The following ADAMTSL1 variants were observed in gnomAD, a reference collection of about 807,000 sequenced individuals.
ADAMTSL1 encodes the protein ADAMTS like 1.
ADAMTSL1 carries 126 observed loss-of-function variants against 201.8 expected under a neutral mutation model. That is an observed-to-expected ratio of 0.62 (90% CI 0.54 to 0.72). The LOEUF (loss-of-function observed/expected upper bound fraction) is 0.72. Ranked by LOEUF, ADAMTSL1 falls within the 30% of genes least tolerant of loss-of-function variation. The pLI, the probability that ADAMTSL1 is intolerant of heterozygous loss-of-function variation, is 0.00. For synonymous variants in ADAMTSL1, 1,121 were observed against 903.4 expected (o/e 1.24, Z -4.32); for missense variants, 2,679 against 2,277.8 (o/e 1.18, Z -3.59).
At chr9:18,326,180 A>G (rs1407338301) in intron 2 of ADAMTSL1, among the ~76,000 whole-genome samples, 1 of 152,216 alleles carries the variant, frequency 6.6e-6, no homozygotes, top group African/African-American at 2.4e-5. Flanking sequence ...ATTTTGAAGG[A>G]GTCAAAAATA....
chr9:18,055,554 C>A (rs750209167), intron 1 of ADAMTSL1, among the ~76,000 whole-genome samples: 1 of 152,202 alleles, frequency 6.6e-6, no homozygotes, highest in Non-Finnish European at 1.5e-5. Flanking sequence ...TGTACATAGA[C>A]CAAAGTGATG....
chr9:18,256,922 G>C (rs532108741), intron 2 of ADAMTSL1, among the ~76,000 whole-genome samples: 1 of 152,276 alleles, frequency 6.6e-6, no homozygotes, highest in South Asian at 2.1e-4. Flanking sequence ...CCCCTCTTCT[G>C]TGCTTGTACT....
intron 2 of ADAMTSL1, among the ~76,000 whole-genome samples, chr9:18,434,949 G>A (rs548598320): frequency 1.8e-4 from 27 of 152,312 alleles, no homozygotes; most frequent in Non-Finnish European, 3.5e-4. Flanking sequence ...TGAAGACAGG[G>A]ACCACATCTG....
intron 2 of ADAMTSL1, among the ~76,000 whole-genome samples, chr9:18,320,704 C>T (rs10115400): frequency 0.4 from 60,710 of 151,942 alleles, 12,690 homozygotes; most frequent in Admixed American, 0.54. Flanking sequence ...AAAATATTAA[C>T]ACAAAGGATG....
chr9:17,958,701 A>G (rs1468516907), intron 1 of ADAMTSL1, among the ~76,000 whole-genome samples: 3 of 152,186 alleles, frequency 2.0e-5, no homozygotes, highest in African/African-American at 7.2e-5. Context: ...TTAAAACCAA[A>G]CCCAAACCCA....
At chr9:18,318,726 T>A (rs1016572289) in intron 2 of ADAMTSL1, among the ~76,000 whole-genome samples, 1 of 152,142 alleles carries the variant, frequency 6.6e-6, no homozygotes, top group African/African-American at 2.4e-5. Flanking sequence ...TAGCTAATTT[T>A]TTTTTTTTCA....
intron 1 of ADAMTSL1, among the ~76,000 whole-genome samples, chr9:18,068,673 C>T (rs1284753284): frequency 6.6e-6 from 1 of 152,158 alleles, no homozygotes; most frequent in Non-Finnish European, 1.5e-5. Flanking sequence ...CTGGATGCTT[C>T]TGGAAGTTTT....
intron 19 of ADAMTSL1, among the ~76,000 whole-genome samples, 187 bp from the exon 20 acceptor site, chr9:18,795,210 C>G (rs1267356903): frequency 6.6e-6 from 1 of 152,200 alleles, no homozygotes; most frequent in African/African-American, 2.4e-5. Flanking sequence ...GAGATCACTA[C>G]CACAGTCACA....
At chr9:18,310,881 G>A (rs924285076) in intron 2 of ADAMTSL1, among the ~76,000 whole-genome samples, 7 of 152,100 alleles carry the variant, frequency 4.6e-5, no homozygotes, top group South Asian at 2.1e-4. Flanking sequence ...TATAAATCAT[G>A]CTGCTATGAA....
At chr9:18,607,177 T>C (rs1825074944) in intron 4 of ADAMTSL1, among the ~76,000 whole-genome samples, 1 of 152,232 alleles carries the variant, frequency 6.6e-6, no homozygotes, top group African/African-American at 2.4e-5. Context: ...GTAAGAAATG[T>C]GTTCATCTCC....
intron 2 of ADAMTSL1, among the ~76,000 whole-genome samples, chr9:18,454,694 T>C (rs1259187942): frequency 6.6e-6 from 1 of 152,202 alleles, no homozygotes; most frequent in African/African-American, 2.4e-5. Flanking sequence ...CCTTAATTTT[T>C]CTACTAGTTT....
chr9:17,924,585 G>C (rs1826446011), intron 1 of ADAMTSL1, among the ~76,000 whole-genome samples: 1 of 149,448 alleles, frequency 6.7e-6, no homozygotes, highest in Non-Finnish European at 1.5e-5. Flanking sequence ...ACAAACCTGA[G>C]AAAAACAAGC....
At chr9:18,724,199 C>G (rs559745395) in intron 15 of ADAMTSL1, among the ~76,000 whole-genome samples, 1 of 152,198 alleles carries the variant, frequency 6.6e-6, no homozygotes, top group Non-Finnish European at 1.5e-5. Context: ...AGGTCACCCC[C>G]TGGTTAAGAT....
intron 1 of ADAMTSL1, among the ~76,000 whole-genome samples, chr9:18,118,487 A>G (rs144054556): frequency 6.6e-6 from 1 of 152,306 alleles, no homozygotes; most frequent in East Asian, 1.9e-4. Flanking sequence ...TCCCTAAATG[A>G]AAGTGCCCAG....
intron 19 of ADAMTSL1, among the ~76,000 whole-genome samples, chr9:18,787,410 C>T (rs1821769582): frequency 6.6e-6 from 1 of 152,132 alleles, no homozygotes; most frequent in Non-Finnish European, 1.5e-5. Context: ...GGCTTAGAGT[C>T]AGGCACTATC....
chr9:18,562,254 A>C (rs1272200357), intron 3 of ADAMTSL1, among the ~76,000 whole-genome samples: 1 of 152,094 alleles, frequency 6.6e-6, no homozygotes, highest in South Asian at 2.1e-4. Flanking sequence ...TTGTCTGTAA[A>C]GGATTTTATT....
chr9:17,935,698 A>T (rs982322436), intron 1 of ADAMTSL1, among the ~76,000 whole-genome samples: 1 of 152,186 alleles, frequency 6.6e-6, no homozygotes, highest in African/African-American at 2.4e-5. Context: ...TTTACTATTA[A>T]TAGCAATACC....
At chr9:18,152,728 G>C (rs1826971568) in intron 1 of ADAMTSL1, among the ~76,000 whole-genome samples, 1 of 151,924 alleles carries the variant, frequency 6.6e-6, no homozygotes, top group South Asian at 2.1e-4. Flanking sequence ...AGCTTGGAGA[G>C]AGTGGAGTAG....
At chr9:18,059,978 A>G (rs929145823) in intron 1 of ADAMTSL1, among the ~76,000 whole-genome samples, 6 of 152,210 alleles carry the variant, frequency 3.9e-5, no homozygotes, top group Non-Finnish European at 7.4e-5. Flanking sequence ...GTACAGTCAC[A>G]TAGTGTAAAA....
Sources: gnomAD v4.1 joint callset for allele counts (sites outside exome capture counted in the v4.1 genomes callset) on GRCh38, gnomAD v4.1.1 for gene constraint, MANE v1.5 for transcripts, NCBI Gene and HGNC (gene_info 2026-07-23, HGNC 2026-07-21) for gene names.